Variants in ENG observed in about 807,000 individuals in gnomAD.
ENG encodes the protein CD105 antigen.
A neutral mutation model predicts 71.0 loss-of-function variants in ENG; 17 were observed. That is an observed-to-expected ratio of 0.24 (90% CI 0.16 to 0.36). The LOEUF is 0.36. Among genes scored for constraint, ENG ranks in the 10% least tolerant of loss-of-function variants. ENG has a pLI of 1.00. For synonymous variants in ENG, 360 were observed against 366.9 expected (o/e 0.98, Z 0.21); for missense variants, 749 against 868.3 (o/e 0.86, Z 1.73).
chr9:127,825,352 CG>C lies in ENG; in HGVS notation c.694del (p.Arg232GlyfsTer3). 6.2e-7 allele frequency: 1 copy of C among 1,609,864 alleles called. No homozygotes were observed. ...CAGTTCCACCTTCACCGTCACCGTC[CG>C]GGGCCTGCGGGGAGACAGACGCGGA... ...RVLPGHSAGP[R>X]TVTVKVELSC... is the part of the protein sequence containing the mutation. On this transcript the variant is annotated frameshift_variant, in exon 6 of 15. Transcript: ENST00000373203. LOFTEE classifies it high-confidence loss of function.
chr9:127,819,546 T>TCCCAGGCCAGGAAGAGGC, intron 10 of ENG, 76 bp downstream of exon 10: 1 of 1,600,478 alleles, frequency 6.2e-7, no homozygotes, highest in Non-Finnish European at 8.5e-7. Flanking sequence ...GCCTGCTCCC[T>TCCCAGGCCAGGAAGAGGC]CCCAGGCCAG....
Position 127,815,346 on chromosome 9 carries a change from CCCTT to C in ENG, c.*332_*335del, listed in dbSNP as rs1830278944. ...CTGGCCTGAATCTGTTTCAAGTTCTCCCTTCCTGCCCAGCTCAGTTCACCAGTGC... is the reference window on the plus strand; with the variant it reads ...CTGGCCTGAATCTGTTTCAAGTTCTCCCTGCCCAGCTCAGTTCACCAGTGC... On this transcript the variant is annotated 3_prime_UTR_variant, in exon 15 of 15. Coordinates refer to ENST00000373203, the MANE Select transcript of ENG (RefSeq NM_001114753.3). 6.7e-6 allele frequency: 2 copies of C among 300,674 alleles called. No homozygotes were observed. The highest frequency in any genetic ancestry group is 1.2e-5 in the Non-Finnish European group (2 of 161,118). 18.6% of individuals were successfully genotyped at this position (300,674 alleles called of 1,614,324 possible).
chr9:127,816,259 AGGGC>A, intron 13 of ENG: 2 of 681,056 alleles, frequency 2.9e-6, no homozygotes, highest in South Asian at 3.5e-5. Context: ...GTCCACCTAG[AGGGC>A]CCAGCCAGGC....
At position 127,826,471 on chromosome 9, in the gene ENG, C is replaced by T. The variant is rs150828763; in HGVS notation, c.523+39G>A. 1.5e-4 allele frequency: 249 copies of T among 1,613,214 alleles called. 2 individuals carry two copies. The African/African-American group carries it at 2.7e-3, about 18-fold the overall frequency. On this transcript the variant is annotated intron_variant, in intron 4 of 14. Transcript: ENST00000373203. The stretch of plus-strand genomic sequence containing the variant: ...CAGAGGAGCTCAGATTCCTCCTGAG[C>T]AGTATCATGAGCCCAGAGAGGTTGC...
Position 127,815,633 on chromosome 9 carries a change from G to A in ENG, c.*49C>T, listed in dbSNP as rs1479986417. On this transcript the variant is annotated 3_prime_UTR_variant, in exon 15 of 15. Transcript: ENST00000373203. ...GGGTGAGTTCACACCAGTGCTCCCA[G>A]CTGGCGGCTGCTCAGTCTCTCCTGC... 2.0e-6 allele frequency: 3 copies of A among 1,536,934 alleles called. No individual in the cohort carries two copies. The highest frequency in any genetic ancestry group is 2.4e-5 in the East Asian group (1 of 41,312).
At chr9:127,823,588 C>T (rs1830523617) in intron 8 of ENG, among the ~76,000 whole-genome samples, 1 of 150,772 alleles carries the variant, frequency 6.6e-6, no homozygotes, top group Non-Finnish European at 1.5e-5. Flanking sequence ...CAGGGTTTCA[C>T]TGTGTTAGCC....
At position 127,816,156 on chromosome 9, in the gene ENG, A is replaced by G. The variant is rs868372047; in HGVS notation, c.1742-103T>C. The stretch of plus-strand genomic sequence containing the variant: ...GCTTTGGTGCCAGCTCTGCTCAGCC[A>G]TGGACCCTCGACTTCTCTGAACCTC... On this transcript the variant is annotated intron_variant, in intron 13 of 14. Transcript: ENST00000373203. 44 of 1,428,164 alleles carry G rather than the reference A, an allele frequency of 3.1e-5. No homozygotes were observed. The South Asian group carries it at 4.9e-4, about 16-fold the overall frequency. 88.5% of individuals were successfully genotyped at this position (1,428,164 alleles called of 1,614,324 possible).
intron 2 of ENG, among the ~76,000 whole-genome samples, chr9:127,835,882 G>A (rs917286908): frequency 6.6e-6 from 1 of 152,118 alleles, no homozygotes; most frequent in Non-Finnish European, 1.5e-5. Context: ...TCATCCCAGA[G>A]CTCACGAACC....
chr9:127,845,793 A>AGCT (rs1831156385), intron 1 of ENG, among the ~76,000 whole-genome samples: 2 of 152,126 alleles, frequency 1.3e-5, no homozygotes, highest in Admixed American at 6.5e-5. Context: ...TGCAGCCTTG[A>AGCT]GCTGCTGGGT....
rs1436082611 is a variant in ENG, at chr9:127,815,797, C to T, written c.1862G>A (p.Ser621Asn). 1.3e-6 allele frequency: 2 copies of T among 1,546,152 alleles called. No homozygotes were observed. Among genetic ancestry groups the T allele is most frequent in the African/African-American group, 2.7e-5 (2 of 73,038 alleles). The change falls in exon 15 of 15, where the codon AGC (serine) becomes AAC (asparagine). Residue 621 changes from serine (S) to asparagine (N), a missense_variant. By Grantham distance (46) the Ser-to-Asn change is conservative. Coordinates refer to ENST00000373203, the MANE Select transcript of ENG (RefSeq NM_001114753.3). ...WYIYSHTRSP[S>N]KREPVVAVAA... ...CACCGCCACCACGGGCTCCCGCTTG[C>T]TGGGGGAACCTGGGAGCGGGAGCGG... is the stretch of plus-strand genomic sequence containing the variant.
Position 127,829,333 on chromosome 9 carries a change from G to A in ENG, c.360+354C>T, listed in dbSNP as rs142068987. Among the ~76,000 whole-genome samples the A allele has an allele frequency of 2.8e-3, 428 of 152,168 alleles. 4 individuals are homozygous for A. Among genetic ancestry groups the A allele is most frequent in the African/African-American group, 9.8e-3 (407 of 41,496 alleles). ...CTTTAAATATTTTCAAATATATGTCGTGTAACTTTTTCAAAGACAATGAAA... is the reference window on the plus strand; with the variant it reads ...CTTTAAATATTTTCAAATATATGTCATGTAACTTTTTCAAAGACAATGAAA... On this transcript the variant is annotated intron_variant, in intron 3 of 14. Transcript: ENST00000373203.
chr9:127,833,582 CAGG>C (rs1375355981), intron 2 of ENG, among the ~76,000 whole-genome samples: 1 of 149,544 alleles, frequency 6.7e-6, no homozygotes, highest in East Asian at 2.0e-4. Context: ...GCCACCAACT[CAGG>C]AGGACAAAGA....
At position 127,826,620 on chromosome 9, in the gene ENG, A is replaced by G. The variant is rs546637270; in HGVS notation, c.413T>C (p.Leu138Pro). The G allele has an allele frequency of 7.4e-6, 12 of 1,614,016 alleles. No individual in the cohort carries two copies. The African/African-American group carries it at 1.6e-4, about 22-fold the overall frequency. Residue 138 changes from leucine to proline, a missense_variant, in exon 4 of 15, where the codon CTG (leucine) becomes CCG (proline). By Grantham distance (98) the Leu-to-Pro change is moderately conservative (BLOSUM62 -3). Coordinates refer to ENST00000373203, the MANE Select transcript of ENG (RefSeq NM_001114753.3). ...GATCTGGGTCTTGGGGAAGGATGGCAGCTCTGTGGTGTTGACCCCCGGGGG... is the reference window on the plus strand; with the variant it reads ...GATCTGGGTCTTGGGGAAGGATGGCGGCTCTGTGGTGTTGACCCCCGGGGG... ...QEPPGVNTTE[L>P]PSFPKTQILE... is the part of the protein sequence containing the mutation.
chr9:127,817,452 G>A, intron 12 of ENG: 1 of 581,670 alleles, frequency 1.7e-6, no homozygotes, highest in Non-Finnish European at 3.1e-6. Flanking sequence ...CAGGAGCACT[G>A]TGGAAGCACT....
chr9:127,824,886 TC>T lies in ENG; in HGVS notation c.904del (p.Glu302ArgfsTer57). ...LPDTPQGLLG[E>X]ARMLNASIVA... ...AATGCTGGCATTGAGCATCCGGGCCTCCCCCAGGAGGCCTTGAGGTGTGTCT... is the reference window on the plus strand; with the variant it reads ...AATGCTGGCATTGAGCATCCGGGCCTCCCCAGGAGGCCTTGAGGTGTGTCT... On this transcript the variant is annotated frameshift_variant, in exon 7 of 15. Coordinates refer to ENST00000373203, the MANE Select transcript of ENG (RefSeq NM_001114753.3). LOFTEE classifies it high-confidence loss of function. 1 of 1,612,820 alleles carries T rather than the reference TC, an allele frequency of 6.2e-7. No homozygotes were observed. The highest frequency in any genetic ancestry group is 8.5e-7 in the Non-Finnish European group (1 of 1,179,546).
At chr9:127,819,297 G>A (rs1830415965) in intron 10 of ENG, 1 of 375,394 alleles carries the variant, frequency 2.7e-6, no homozygotes, top group African/African-American at 2.1e-5. Flanking sequence ...GCTGTGTGAA[G>A]AGCTTCCACA....
intron 2 of ENG, among the ~76,000 whole-genome samples, chr9:127,839,840 G>A (rs1485984547): frequency 6.6e-6 from 1 of 152,156 alleles, no homozygotes; most frequent in Non-Finnish European, 1.5e-5. Context: ...ACAGGTGTGA[G>A]CCACTGCGCC....
chr9:127,847,773 C>T (rs767701421), intron 1 of ENG, among the ~76,000 whole-genome samples: 6 of 152,074 alleles, frequency 3.9e-5, no homozygotes, highest in Non-Finnish European at 7.4e-5. Flanking sequence ...TGTTCAGTAC[C>T]CCCGGGCCAC....
At chr9:127,828,489 C>A (rs1673646970) in intron 3 of ENG, among the ~76,000 whole-genome samples, 1 of 152,154 alleles carries the variant, frequency 6.6e-6, no homozygotes, top group Admixed American at 6.5e-5. Context: ...CGGCCGAGGC[C>A]AGAGCCGGCG....
Sources: allele counts gnomAD v4.1 joint callset (sites outside exome capture counted in the v4.1 genomes callset), GRCh38; gene constraint gnomAD v4.1.1; transcripts MANE v1.5; gene names NCBI Gene and HGNC (gene_info 2026-07-23, HGNC 2026-07-21).